UBN2: variants seen among roughly 807,000 people sequenced by gnomAD.
UBN2 encodes the protein ubinuclein-2.
A neutral mutation model predicts 120.2 loss-of-function variants in UBN2; 35 were observed. That is an observed-to-expected ratio of 0.29 (90% CI 0.22 to 0.39). The LOEUF (loss-of-function observed/expected upper bound fraction) is 0.39. Among genes scored for constraint, UBN2 ranks in the 10% least tolerant of loss-of-function variants. The pLI, the probability that UBN2 is intolerant of heterozygous loss-of-function variation, is 1.00. For missense variants in UBN2, 1,693 were observed against 1,663.2 expected (o/e 1.02, Z -0.31); for synonymous variants, 661 against 648.7 (o/e 1.02, Z -0.29).
chr7:139,255,887 G>C (rs1432154558), intron 3 of UBN2, among the ~76,000 whole-genome samples: 3 of 152,114 alleles, frequency 2.0e-5, no homozygotes, highest in African/African-American at 7.2e-5. Flanking sequence ...AATAAATAAT[G>C]ATACCAGGCA....
At chr7:139,236,225 C>T (rs181562076) in intron 1 of UBN2, among the ~76,000 whole-genome samples, 41 of 152,094 alleles carry the variant, frequency 2.7e-4, no homozygotes, top group Admixed American at 1.9e-3. Context: ...GTGTGTTAAA[C>T]CATGTATTAT....
the UBN2 span, among the ~76,000 whole-genome samples, chr7:139,321,338 C>T: frequency 6.6e-6 from 1 of 152,196 alleles, no homozygotes; most frequent in Non-Finnish European, 1.5e-5. Flanking sequence ...GGTGGGTGCC[C>T]CATCTTCAGC....
intron 4 of UBN2, 152 bp from the exon 5 acceptor site, chr7:139,259,115 A>G: frequency 8.8e-7 from 1 of 1,137,790 alleles, no homozygotes; most frequent in Non-Finnish European, 1.2e-6. Context: ...CGGAGGTGAG[A>G]GTGCTCTTGA....
the UBN2 span, among the ~76,000 whole-genome samples, chr7:139,327,398 G>A: frequency 2.6e-5 from 4 of 152,150 alleles, no homozygotes; most frequent in African/African-American, 4.8e-5. Flanking sequence ...ACAGAATACC[G>A]CAGACTAGGT....
chr7:139,269,863 G>A lies in UBN2; in HGVS notation c.1596+340G>A, dbSNP rs372032787. ...GCCCCGTTGCCCAGGCTGGAGTGCC[G>A]TGGCGTGAACATGGCTCTCACTGCA... On this transcript the variant is annotated intron_variant, in intron 8 of 17. Transcript: ENST00000473989. Among the ~76,000 whole-genome samples, 27 of 151,578 alleles carry A rather than the reference G, an allele frequency of 1.8e-4. No homozygotes were observed. The South Asian group carries it at 5.4e-3, about 30-fold the overall frequency.
In UBN2 at chr7:139,308,199, TTTG is replaced by T. The variant is rs139876291; in HGVS notation, c.*10371_*10373del. On this transcript the variant is annotated 3_prime_UTR_variant, in exon 18 of 18. Coordinates refer to ENST00000473989, the MANE Select transcript of UBN2 (RefSeq NM_173569.4). ...TTTTTCTTTTTGTATATGTTACGTG[TTTG>T]TTGTTGTATTAAATAAAGAGGAATG... The T allele has an allele frequency of 6.6e-4, 100 of 152,086 alleles. No individual in the cohort carries two copies. Among genetic ancestry groups the T allele is most frequent in the African/African-American group, 2.3e-3 (95 of 41,478 alleles). 9.4% of individuals were successfully genotyped at this position (152,086 alleles called of 1,614,324 possible).
rs1398832340 is a variant in UBN2 at position 139,248,479 on chromosome 7, A to G, written c.562-3477A>G. On this transcript the variant is annotated intron_variant, in intron 2 of 17. Coordinates refer to ENST00000473989, the MANE Select transcript of UBN2 (RefSeq NM_173569.4). ...TTTCAAATTCAAATTAAATTCCTCT[A>G]TAATTTGATAGAGGAAATTGATATC... Among the ~76,000 whole-genome samples the G allele has an allele frequency of 5.9e-5, 9 of 152,254 alleles. No individual in the cohort carries two copies. The East Asian group carries it at 1.7e-3, about 29-fold the overall frequency.
Position 139,231,752 on chromosome 7 carries a change from C to T in UBN2, c.268C>T (p.Pro90Ser). ...GCCGCCCATGTCGCTGCAGCGGGAG[C>T]CCCCGCGGCCCGAGCCGCCGCCGCC... ...AEPPMSLQRE[P>S]PRPEPPPPFP... The change falls in exon 1 of 18, where the codon CCC (proline) becomes TCC (serine). Residue 90 changes from proline (P) to serine (S), a missense_variant. Coordinates refer to ENST00000473989, the MANE Select transcript of UBN2 (RefSeq NM_173569.4). 1 of 1,215,074 alleles carries T rather than the reference C, an allele frequency of 8.2e-7. No individual in the cohort carries two copies. The highest frequency in any genetic ancestry group is 1.0e-6 in the Non-Finnish European group (1 of 981,826). 75.3% of individuals were successfully genotyped at this position (1,215,074 alleles called of 1,614,324 possible).
chr7:139,261,745 A>G lies in UBN2; in HGVS notation c.1395+4A>G, dbSNP rs1796941535. On this transcript the variant is annotated splice_donor_region_variant and intron_variant, in intron 6 of 17. Coordinates refer to ENST00000473989, the MANE Select transcript of UBN2 (RefSeq NM_173569.4). ...ACGTATCGAAGACCTTCGTGTAGTA[A>G]GTGTAATAATTCTCTTGCTTTTTAT... 2 of 1,602,854 alleles carry G rather than the reference A, an allele frequency of 1.2e-6. No individual in the cohort carries two copies. The highest frequency in any genetic ancestry group is 1.7e-6 in the Non-Finnish European group (2 of 1,172,146).
At position 139,306,182 on chromosome 7, in the gene UBN2, G is replaced by A. The variant is rs1044882713; in HGVS notation, c.*8346G>A. On this transcript the variant is annotated 3_prime_UTR_variant, in exon 18 of 18. Coordinates refer to ENST00000473989, the MANE Select transcript of UBN2 (RefSeq NM_173569.4). ...GTCTGCCCTCAAAGCACATTTAGGAGTATCAACCAAGACCAGCCAGTTGAC... is the reference window on the plus strand; with the variant it reads ...GTCTGCCCTCAAAGCACATTTAGGAATATCAACCAAGACCAGCCAGTTGAC... The A allele has an allele frequency of 6.6e-6, 1 of 152,200 alleles. No homozygotes were observed. The highest frequency in any genetic ancestry group is 2.4e-5 in the African/African-American group (1 of 41,442). The allele number at this position is 152,200 out of a possible 1,614,324, so 9.4% of individuals were successfully genotyped here.
At chr7:139,248,502 A>G (rs1255037789) in intron 2 of UBN2, among the ~76,000 whole-genome samples, 3 of 152,190 alleles carry the variant, frequency 2.0e-5, no homozygotes, top group Non-Finnish European at 4.4e-5. Flanking sequence ...GGAAATTGAT[A>G]TCTTACTTTA....
rs56298671 is a variant in UBN2 at position 139,302,775 on chromosome 7, AACACACACACAC to A, written c.*4954_*4965del. The A allele has an allele frequency of 5.4e-5, 8 of 149,474 alleles. No homozygotes were observed. The highest frequency in any genetic ancestry group is 9.8e-5 in the African/African-American group (4 of 40,884). 9.3% of individuals were successfully genotyped at this position (149,474 alleles called of 1,614,324 possible). Reference sequence around the variant, plus strand: ...TCTGCTTGTAGAAGTTAACAATAACAACACACACACACACACACACACACACGTCAGTTACTA... The same window carrying A: ...TCTGCTTGTAGAAGTTAACAATAACAACACACACACACACGTCAGTTACTA... On this transcript the variant is annotated 3_prime_UTR_variant, in exon 18 of 18. Transcript: ENST00000473989.
At chr7:139,289,072 G>T (rs943149219) in intron 15 of UBN2, among the ~76,000 whole-genome samples, 7 of 151,600 alleles carry the variant, frequency 4.6e-5, no homozygotes, top group Non-Finnish European at 4.4e-5. Context: ...TTTTTCCCCT[G>T]GGAATAAAAT....
the UBN2 span, among the ~76,000 whole-genome samples, chr7:139,328,918 T>A: frequency 6.6e-6 from 1 of 151,212 alleles, no homozygotes; most frequent in East Asian, 1.9e-4. Context: ...AAGATTAAAC[T>A]CAAATGCAGA....
intron 6 of UBN2, among the ~76,000 whole-genome samples, chr7:139,265,090 G>T (rs1219009389): frequency 6.6e-6 from 1 of 152,148 alleles, no homozygotes; most frequent in Non-Finnish European, 1.5e-5. Context: ...CTACCCTACT[G>T]TGACCTATAC....
rs184978778 is a variant in UBN2 at position 139,283,307 on chromosome 7, T to C, written c.2402T>C (p.Leu801Pro). Residue 801 changes from leucine to proline, a missense_variant, in exon 15 of 18, where the codon CTG becomes CCG. Physicochemically the swap from Leu to Pro is moderately conservative, Grantham distance 98. Coordinates refer to ENST00000473989, the MANE Select transcript of UBN2 (RefSeq NM_173569.4). The part of the protein sequence containing the change: ...SMPTTKPRPG[L>P]REEKLASIMS... ...CCAACCACAAAGCCTCGTCCAGGAC[T>C]GAGAGAAGAAAAATTAGCAAGTATC... The C allele has an allele frequency of 9.2e-4, 1,477 of 1,613,934 alleles. No individual in the cohort carries two copies. Among genetic ancestry groups the C allele is most frequent in the Non-Finnish European group, 1.2e-3 (1,370 of 1,180,000 alleles).
chr7:139,301,999 CTT>C lies in UBN2; in HGVS notation c.*4165_*4166del. On this transcript the variant is annotated 3_prime_UTR_variant, in exon 18 of 18. Coordinates refer to ENST00000473989, the MANE Select transcript of UBN2 (RefSeq NM_173569.4). ...AAATTTTAAGGGGAAAAGTTTAACT[CTT>C]TGTAAATCATTTCTTAGCTCTGGTA... The C allele has an allele frequency of 6.6e-6, 1 of 152,230 alleles. No individual in the cohort carries two copies. The highest frequency in any genetic ancestry group is 2.4e-5 in the African/African-American group (1 of 41,548). The allele number at this position is 152,230 out of a possible 1,614,324, so 9.4% of individuals were successfully genotyped here.
Position 139,289,414 on chromosome 7 carries a change from C to CTTTTTTTTTTTTTTTTT in UBN2, c.3670-3802_3670-3801insTTTTTTTTTTTTTTTTT, listed in dbSNP as rs1161484759. The stretch of plus-strand genomic sequence containing the variant: ...ATTGCCCTCCCTAATTTACATTTTG[C>CTTTTTTTTTTTTTTTTT]TTTTTTTTTTTTTTTTGAGACAGGG... On this transcript the variant is annotated intron_variant, in intron 15 of 17. Coordinates refer to ENST00000473989, the MANE Select transcript of UBN2 (RefSeq NM_173569.4). 9.0e-3 allele frequency among the ~76,000 whole-genome samples: 1,127 copies of CTTTTTTTTTTTTTTTTT among 125,510 alleles called. 62 individuals are homozygous for CTTTTTTTTTTTTTTTTT. Among genetic ancestry groups the CTTTTTTTTTTTTTTTTT allele is most frequent in the Admixed American group, 0.033 (366 of 10,928 alleles). 82.3% of individuals were successfully genotyped at this position (125,510 alleles called of 152,430 possible). A position where few individuals can be genotyped will look rare whatever the true frequency, so the allele number is the denominator to read the frequency against.
At chr7:139,292,053 C>G (rs914917839) in intron 15 of UBN2, among the ~76,000 whole-genome samples, 29 of 152,208 alleles carry the variant, frequency 1.9e-4, no homozygotes, top group African/African-American at 5.5e-4. Context: ...AAGTTCGAGC[C>G]TAGCCTGGGC....
Sources: gnomAD v4.1 joint callset for allele counts (sites outside exome capture counted in the v4.1 genomes callset) on GRCh38, gnomAD v4.1.1 for gene constraint, MANE v1.5 for transcripts, NCBI Gene and HGNC (gene_info 2026-07-23, HGNC 2026-07-21) for gene names.